The following PKD1 variants were observed in gnomAD, a reference collection of about 807,000 sequenced individuals.
The protein encoded by PKD1 is polycystin 1, transient receptor potential channel interacting, also known as polycystin-1.
PKD1 carries 81 observed loss-of-function variants against 361.7 expected under a neutral mutation model. The observed-to-expected ratio is 0.22, with a 90% CI of 0.19 to 0.27. The LOEUF is 0.27. Ranked by LOEUF, PKD1 falls within the 10% of genes least tolerant of loss-of-function variation. The pLI is 1.00. For synonymous variants in PKD1, 3,615 were observed against 2,818.3 expected, an observed-to-expected ratio of 1.28 and a Z score of -8.95; for missense variants, 6,399 against 6,118.3, an observed-to-expected ratio of 1.05 and a Z score of -1.53.
Position 2,113,386 on chromosome 16 carries a change from C to T in PKD1, c.2854-94G>A, listed in dbSNP as rs2092570228. ...ACACCTCCCGTCGGGCTGGAGAGTC[C>T]CACGCGGGGCACAGAGGAGAGGAGG... is the stretch of plus-strand genomic sequence containing the variant. On this transcript the variant is annotated intron_variant, in intron 11 of 45. Transcript: ENST00000262304. 10 of 1,205,706 alleles carry T rather than the reference C, an allele frequency of 8.3e-6. No individual in the cohort carries two copies. In the African/African-American group the frequency reaches 1.3e-4, roughly 16 times the overall value. 74.7% of individuals were successfully genotyped at this position (1,205,706 alleles called of 1,614,324 possible).
At position 2,116,132 on chromosome 16, in the gene PKD1, G is replaced by A; in HGVS notation, c.1723-14C>T. 2.6e-6 allele frequency: 4 copies of A among 1,560,736 alleles called. No homozygotes were observed. The highest frequency in any genetic ancestry group is 3.5e-6 in the Non-Finnish European group (4 of 1,151,748). On this transcript the variant is annotated splice_polypyrimidine_tract_variant and intron_variant, in intron 8 of 45. Coordinates refer to ENST00000262304, the MANE Select transcript of PKD1 (RefSeq NM_001009944.3). ...GAATACCATGACCTGGTGGGCAGGGGGCCGCCTCAGCTCCACAGACCCCAT... is the reference window on the plus strand; with the variant it reads ...GAATACCATGACCTGGTGGGCAGGGAGCCGCCTCAGCTCCACAGACCCCAT...
intron 21 of PKD1, among the ~76,000 whole-genome samples, chr16:2,105,061 G>A (rs920370085): frequency 7.4e-5 from 8 of 107,566 alleles, no homozygotes; most frequent in Non-Finnish European, 1.2e-4. Flanking sequence ...AGAGTGGAGG[G>A]CACAGAGCAG....
chr16:2,108,285 G>A lies in PKD1; in HGVS notation c.6882C>T (p.Leu2294=), dbSNP rs758337073. 1.7e-4 allele frequency: 276 copies of A among 1,602,062 alleles called. No homozygotes were observed. The highest frequency in any genetic ancestry group is 2.3e-4 in the Middle Eastern group (1 of 4,420). Residue 2294 remains leucine, a synonymous_variant, in exon 15 of 46, where the codon CTC becomes CTT. Coordinates refer to ENST00000262304, the MANE Select transcript of PKD1 (RefSeq NM_001009944.3). ...AAGCCACACAGGCCCAGTGGAAACTGAGCGGCGTCTGGTCGCCGTCCTCCA... is the reference window on the plus strand; with the variant it reads ...AAGCCACACAGGCCCAGTGGAAACTAAGCGGCGTCTGGTCGCCGTCCTCCA... ...PNLEDGDQTP[L]SFHWACVAST...
chr16:2,102,897 G>A lies in PKD1; in HGVS notation c.8865C>T (p.His2955=). ...YLHSEPRPNE[H]NCSASRRIRP... is the part of the protein sequence containing the mutation. ...GGATCCTCCTGCTAGCCGAGCAGTT[G>A]TGCTCATTGGGCCGGGGCTCCGAGT... The change falls in exon 24 of 46, where the codon CAC becomes CAT. Residue 2955 remains histidine, a synonymous_variant. Coordinates refer to ENST00000262304, the MANE Select transcript of PKD1 (RefSeq NM_001009944.3). 6.2e-7 allele frequency: 1 copy of A among 1,610,012 alleles called. No homozygotes were observed.
chr16:2,100,777 G>T lies in PKD1; in HGVS notation c.9398-211C>A, dbSNP rs2092064442. 7 of 594,818 alleles carry T rather than the reference G, an allele frequency of 1.2e-5. No homozygotes were observed. Among genetic ancestry groups the T allele is most frequent in the Admixed American group, 5.8e-5 (2 of 34,552 alleles). 36.8% of individuals were successfully genotyped at this position (594,818 alleles called of 1,614,324 possible). A position where few individuals can be genotyped will look rare whatever the true frequency, so the allele number is the denominator to read the frequency against. ...CTCAAGGACATGATTAAGTTACATG[G>T]AAAGAACTGTAACTTGTGACATGCA... On this transcript the variant is annotated intron_variant, in intron 26 of 45. Transcript: ENST00000262304. The surrounding 1 kb of genome is among the most constrained non-coding windows in gnomAD (Gnocchi z 4.4).
intron 30 of PKD1, among the ~76,000 whole-genome samples, chr16:2,098,401 G>C (rs1341258635): frequency 5.3e-5 from 8 of 150,724 alleles, no homozygotes; most frequent in Admixed American, 2.6e-4. Context: ...GTAGAGACGG[G>C]GTTTCACTGT....
chr16:2,097,003 G>C (rs963939353), intron 34 of PKD1, 145 bp downstream of exon 34: 1 of 661,380 alleles, frequency 1.5e-6, no homozygotes, highest in Non-Finnish European at 2.7e-6. Flanking sequence ...ACAGACAACA[G>C]AGGTTCAGAG....
At chr16:2,131,284 G>T (rs896842640) in intron 1 of PKD1, among the ~76,000 whole-genome samples, 1 of 151,598 alleles carries the variant, frequency 6.6e-6, no homozygotes, top group Non-Finnish European at 1.5e-5. Flanking sequence ...GGCTGAGGCG[G>T]GAGGATCACG....
chr16:2,088,898 C>CACACACAG lies in PKD1; in HGVS notation c.*828_*829insCTGTGTGT. 1 of 431,588 alleles carries CACACACAG rather than the reference C, an allele frequency of 2.3e-6. No individual in the cohort carries two copies. Among genetic ancestry groups the CACACACAG allele is most frequent in the Non-Finnish European group, 4.3e-6 (1 of 234,998 alleles). The allele number at this position is 431,588 out of a possible 1,614,324, so 26.7% of individuals were successfully genotyped here. On this transcript the variant is annotated 3_prime_UTR_variant, in exon 46 of 46. Transcript: ENST00000262304. ...GCGCGCGCGCACACACACACACACA[C>CACACACAG]AGTCACCTTCCTCCACCCTGGGAGC...
At position 2,091,063 on chromosome 16, in the gene PKD1, C is replaced by T. The variant is rs1239753518; in HGVS notation, c.11824G>A (p.Val3942Met). 17 of 1,518,524 alleles carry T rather than the reference C, an allele frequency of 1.1e-5. No homozygotes were observed. The highest frequency in any genetic ancestry group is 1.5e-5 in the Non-Finnish European group (17 of 1,138,744). The allele number at this position is 1,518,524 out of a possible 1,614,324, so 94.1% of individuals were successfully genotyped here. A position where few individuals can be genotyped will look rare whatever the true frequency, so the allele number is the denominator to read the frequency against. Residue 3942 changes from valine to methionine, a missense_variant, in exon 43 of 46, where the codon GTG (valine) becomes ATG (methionine). Transcript: ENST00000262304. ...AGTGCCGTGGCCGCCGTCAGCGCCA[C>T]CAGCAGCCACCGCGCCCAGGCTCCG... The part of the protein sequence containing the change: ...RLGAWARWLL[V>M]ALTAATALVR...
At chr16:2,092,409 G>C (rs1167171956) in intron 39 of PKD1, 71 bp downstream of exon 39, 1 of 1,146,090 alleles carries the variant, frequency 8.7e-7, no homozygotes, top group Non-Finnish European at 1.3e-6. Flanking sequence ...GCTGATGCCA[G>C]AGCTCCGCTA....
rs114489044 is a variant in PKD1, at chr16:2,110,483, G to C, written c.4684C>G (p.Leu1562Val). The change falls in exon 15 of 46, where the codon CTG becomes GTG. Residue 1562 changes from leucine to valine, a missense_variant. By Grantham distance (32) the Leu-to-Val change is conservative (BLOSUM62 1). Coordinates refer to ENST00000262304, the MANE Select transcript of PKD1 (RefSeq NM_001009944.3). Reference sequence around the variant, plus strand: ...GTGCTGAAGCTCACGCTCCCATTCAGGGGCACCACCGTGCGGCTTGCATTG... The same window carrying C: ...GTGCTGAAGCTCACGCTCCCATTCACGGGCACCACCGTGCGGCTTGCATTG... ...VVNASRTVVPLNGSVSFSTSL... is the reference protein window; with the variant it reads ...VVNASRTVVPVNGSVSFSTSL... 8.7e-6 allele frequency: 14 copies of C among 1,612,318 alleles called. No homozygotes were observed. In the Middle Eastern group the frequency reaches 5.0e-4, roughly 57 times the overall value.
In PKD1 at chr16:2,102,615, C is replaced by G. The variant is rs753817085; in HGVS notation, c.8967G>C (p.Gly2989=). 1 of 1,611,088 alleles carries G rather than the reference C, an allele frequency of 6.2e-7. No homozygotes were observed. Among genetic ancestry groups the G allele is most frequent in the Admixed American group, 1.7e-5 (1 of 60,022 alleles). Residue 2989 remains glycine (G), a synonymous_variant, in exon 25 of 46, where the codon GGG becomes GGC. Transcript: ENST00000262304. ...GGCTGGAGAGGTTCAGATGGTAACT[C>G]CCCGCTGGGTCTCTGCTCCTGGGCA... ...FISPGSRDPA[G]SYHLNLSSHF...
intron 1 of PKD1, among the ~76,000 whole-genome samples, chr16:2,129,387 T>C (rs1596621107): frequency 6.7e-6 from 1 of 148,770 alleles, no homozygotes; most frequent in East Asian, 2.0e-4. Context: ...TCTGCTCTCC[T>C]AAAGTGCTGG....
rs749989463 is a variant in PKD1, at chr16:2,090,869, C to T, written c.12003+15G>A. 3 of 1,606,354 alleles carry T rather than the reference C, an allele frequency of 1.9e-6. No homozygotes were observed. Among genetic ancestry groups the T allele is most frequent in the South Asian group, 2.2e-5 (2 of 91,028 alleles). On this transcript the variant is annotated intron_variant, in intron 43 of 45. Transcript: ENST00000262304. Reference sequence around the variant, plus strand: ...GGTGTGCGCCCAGCCCCGCGCCCACCGGCCCAGCCCTCACCTTGACCAAAA... The same window carrying T: ...GGTGTGCGCCCAGCCCCGCGCCCACTGGCCCAGCCCTCACCTTGACCAAAA...
intron 34 of PKD1, among the ~76,000 whole-genome samples, chr16:2,095,755 C>T (rs999612236): frequency 7.9e-5 from 12 of 152,300 alleles, no homozygotes; most frequent in Admixed American, 6.5e-4. Context: ...TTGAGGAAGC[C>T]GGGAGGGTGA....
intron 39 of PKD1, 146 bp from the exon 40 acceptor site, chr16:2,092,334 C>T: frequency 9.9e-7 from 1 of 1,005,062 alleles, no homozygotes. Flanking sequence ...ACGTTACCAT[C>T]TCTCATATAC....
At chr16:2,117,752 G>T in intron 5 of PKD1, 39 bp downstream of exon 5, 1 of 1,151,532 alleles carries the variant, frequency 8.7e-7, no homozygotes, top group South Asian at 1.3e-5. Flanking sequence ...CCATCTGGAT[G>T]GCCCTGGGGA....
At chr16:2,091,204 G>C in intron 42 of PKD1, 30 bp from the exon 43 acceptor site, 2 of 1,291,800 alleles carry the variant, frequency 1.5e-6, no homozygotes, top group Non-Finnish European at 2.0e-6. Flanking sequence ...GAGGGCGGGA[G>C]GGACGCTGCC....
Sources: gnomAD v4.1 joint callset for allele counts (sites outside exome capture counted in the v4.1 genomes callset) on GRCh38, gnomAD v4.1.1 for gene constraint, Gnocchi (gnomAD v3.1) non-coding constraint, MANE v1.5 for transcripts, NCBI Gene and HGNC (gene_info 2026-07-23, HGNC 2026-07-21) for gene names.